BRINP3: variants seen among roughly 807,000 people sequenced by gnomAD.
BRINP3 encodes BMP/retinoic acid-inducible neural-specific protein 3.
In BRINP3, 19 loss-of-function variants were observed where a neutral mutation model predicts 71.0. That is an observed-to-expected ratio of 0.27 (90% CI 0.19 to 0.39). The LOEUF (loss-of-function observed/expected upper bound fraction) is 0.39, where lower values mean the gene tolerates loss of function less well. BRINP3 is among the 10% of genes least tolerant of loss of function. The pLI is 1.00. For synonymous variants in BRINP3, 380 were observed against 337.7 expected (o/e 1.13, Z -1.37); for missense variants, 959 against 940.8 (o/e 1.02, Z -0.25).
At chr1:190,456,016 A>G (rs555775279) in intron 1 of BRINP3, among the ~76,000 whole-genome samples, 37 of 152,270 alleles carry the variant, frequency 2.4e-4, no homozygotes, top group African/African-American at 8.7e-4. Context: ...ATTCTGACTA[A>G]TGAGAAAGGT....
intron 2 of BRINP3, among the ~76,000 whole-genome samples, chr1:190,363,545 A>T (rs1264491278): frequency 6.6e-6 from 1 of 152,138 alleles, no homozygotes; most frequent in East Asian, 1.9e-4. Context: ...TGGAATTTTT[A>T]TGTGAGGGAT....
chr1:190,295,451 T>C lies in BRINP3; in HGVS notation c.237-13701A>G, dbSNP rs183020683. Among the ~76,000 whole-genome samples the C allele has an allele frequency of 7.0e-4, 106 of 152,088 alleles. 1 individual carries two copies. Among genetic ancestry groups the C allele is most frequent in the Non-Finnish European group, 4.0e-4 (27 of 67,964 alleles). On this transcript the variant is annotated intron_variant, in intron 2 of 7. Coordinates refer to ENST00000367462, the MANE Select transcript of BRINP3 (RefSeq NM_199051.3). ...ATGGCTGCCACAACTTACATGATGC[T>C]AGGTTGCTCCCCAAGCCATCAGCCT... is the stretch of plus-strand genomic sequence containing the variant.
At chr1:190,199,611 G>C (rs1300223754) in intron 6 of BRINP3, among the ~76,000 whole-genome samples, 3 of 151,926 alleles carry the variant, frequency 2.0e-5, no homozygotes, top group East Asian at 3.9e-4. Context: ...TTCTTGTGTA[G>C]TCTAAGGTTA....
intron 2 of BRINP3, among the ~76,000 whole-genome samples, chr1:190,285,217 T>G (rs1008239951): frequency 6.6e-5 from 10 of 152,040 alleles, no homozygotes; most frequent in African/African-American, 2.4e-4. Flanking sequence ...ACACTGTGAG[T>G]AGTAAACATT....
intron 2 of BRINP3, among the ~76,000 whole-genome samples, chr1:190,282,453 G>T (rs1036947967): frequency 6.6e-6 from 1 of 151,708 alleles, no homozygotes; most frequent in Middle Eastern, 3.2e-3. Flanking sequence ...AATTAGAAAA[G>T]AATTATAGCA....
chr1:190,105,550 CA>C (rs1472534883), intron 7 of BRINP3, among the ~76,000 whole-genome samples: 6 of 152,156 alleles, frequency 3.9e-5, no homozygotes, highest in African/African-American at 1.2e-4. Flanking sequence ...CATAAATAAA[CA>C]CACAAGTTTT....
intron 2 of BRINP3, among the ~76,000 whole-genome samples, chr1:190,290,968 A>G (rs1418096711): frequency 6.6e-6 from 1 of 151,828 alleles, no homozygotes; most frequent in East Asian, 1.9e-4. Flanking sequence ...ACAGAAAAAG[A>G]TATGGAGTAT....
intron 6 of BRINP3, among the ~76,000 whole-genome samples, chr1:190,205,908 T>C (rs1251150369): frequency 6.6e-6 from 1 of 151,862 alleles, no homozygotes. Context: ...AAGACAGGAA[T>C]GTTATGAGAG....
intron 6 of BRINP3, among the ~76,000 whole-genome samples, chr1:190,205,987 G>T (rs1340527619): frequency 6.6e-6 from 1 of 151,902 alleles, no homozygotes; most frequent in Non-Finnish European, 1.5e-5. Flanking sequence ...ACCTCGTGCA[G>T]AACAAGAGAC....
chr1:190,123,768 A>G (rs913514089), intron 7 of BRINP3, among the ~76,000 whole-genome samples: 3 of 152,178 alleles, frequency 2.0e-5, no homozygotes, highest in African/African-American at 7.2e-5. Flanking sequence ...TGAATTATTC[A>G]AAGCCCATAC....
chr1:190,129,285 A>G (rs570270319), intron 7 of BRINP3, among the ~76,000 whole-genome samples: 2 of 151,902 alleles, frequency 1.3e-5, no homozygotes, highest in Admixed American at 1.3e-4. Flanking sequence ...TGTAAAATGT[A>G]TTCAGCTCAG....
intron 7 of BRINP3, among the ~76,000 whole-genome samples, chr1:190,147,566 G>A (rs1047901811): frequency 1.3e-5 from 2 of 152,068 alleles, no homozygotes; most frequent in Non-Finnish European, 2.9e-5. Context: ...AACACCATGC[G>A]TTAATCTACC....
intron 7 of BRINP3, among the ~76,000 whole-genome samples, chr1:190,144,556 C>CT (rs949152818): frequency 1.3e-5 from 2 of 151,974 alleles, no homozygotes; most frequent in Non-Finnish European, 2.9e-5. Context: ...GTATATTCAT[C>CT]TTTTTTTCCA....
chr1:190,451,073 G>A (rs1311151074), intron 2 of BRINP3, among the ~76,000 whole-genome samples: 1 of 151,684 alleles, frequency 6.6e-6, no homozygotes, highest in East Asian at 1.9e-4. Context: ...ATCAAGTTGT[G>A]ATAATATGAC....
At chr1:190,471,260 C>T (rs1384895335) in intron 1 of BRINP3, among the ~76,000 whole-genome samples, 3 of 151,020 alleles carry the variant, frequency 2.0e-5, no homozygotes, top group Non-Finnish European at 3.0e-5. Flanking sequence ...GTAGAAAGGT[C>T]ATTAGTGTTC....
At chr1:190,470,320 A>C (rs1677047700) in intron 1 of BRINP3, among the ~76,000 whole-genome samples, 1 of 151,122 alleles carries the variant, frequency 6.6e-6, no homozygotes, top group Admixed American at 6.6e-5. Flanking sequence ...TTATGAGAGA[A>C]TAATTCTTAC....
intron 7 of BRINP3, among the ~76,000 whole-genome samples, chr1:190,106,661 T>C (rs1049295159): frequency 1.3e-5 from 2 of 151,346 alleles, no homozygotes; most frequent in Non-Finnish European, 3.0e-5. Context: ...TAAAAACATA[T>C]ATTTATTTAT....
intron 2 of BRINP3, among the ~76,000 whole-genome samples, chr1:190,415,867 A>C (rs1054422644): frequency 6.6e-6 from 1 of 152,182 alleles, no homozygotes; most frequent in South Asian, 2.1e-4. Flanking sequence ...TAACACCACC[A>C]CTGTCCGCCA....
chr1:190,385,818 C>T (rs1405090994), intron 2 of BRINP3, among the ~76,000 whole-genome samples: 8 of 151,068 alleles, frequency 5.3e-5, no homozygotes, highest in Non-Finnish European at 8.9e-5. Context: ...ATAGCAAAGA[C>T]TTGGAACCAA....
Sources: allele counts gnomAD v4.1 joint callset (sites outside exome capture counted in the v4.1 genomes callset), GRCh38; gene constraint gnomAD v4.1.1; transcripts MANE v1.5; gene names NCBI Gene and HGNC (gene_info 2026-07-23, HGNC 2026-07-21).